DNM1L: variants seen among roughly 807,000 people sequenced by gnomAD.
DNM1L encodes dynamin 1L.
DNM1L carries 33 observed loss-of-function variants against 92.8 expected under a neutral mutation model. The ratio of observed to expected loss-of-function variants is 0.36; its 90% confidence interval spans 0.27 to 0.48. The LOEUF is 0.48. Among genes scored for constraint, DNM1L ranks in the 20% least tolerant of loss-of-function variants. The probability of loss-of-function intolerance (pLI) is 0.99; values close to 1 mark genes in which losing one functional copy is unlikely to be tolerated. For missense variants in DNM1L, 485 were observed against 888.8 expected, an observed-to-expected ratio of 0.55 and a Z score of 5.78; for synonymous variants, 284 against 305.0, an observed-to-expected ratio of 0.93 and a Z score of 0.72.
chr12:32,714,916 C>T (rs1185265601), intron 6 of DNM1L, among the ~76,000 whole-genome samples: 1 of 151,796 alleles, frequency 6.6e-6, no homozygotes, highest in African/African-American at 2.4e-5. Flanking sequence ...GGGAGGATGG[C>T]TTGAGCCCGG....
chr12:32,723,135 A>C (rs1319140473), intron 9 of DNM1L, among the ~76,000 whole-genome samples: 4 of 150,074 alleles, frequency 2.7e-5, no homozygotes, highest in African/African-American at 9.8e-5. Flanking sequence ...TTGAAATTCC[A>C]TCCTTTTTTT....
intron 9 of DNM1L, among the ~76,000 whole-genome samples, chr12:32,729,498 G>A (rs1404958175): frequency 4.6e-5 from 7 of 152,062 alleles, no homozygotes; most frequent in African/African-American, 1.7e-4. Flanking sequence ...CTTTATTGCC[G>A]AGGCTGGAAT....
At chr12:32,724,072 C>T (rs1205459740) in intron 9 of DNM1L, among the ~76,000 whole-genome samples, 6 of 152,142 alleles carry the variant, frequency 3.9e-5, no homozygotes, top group African/African-American at 1.4e-4. Context: ...AAAGTTGCCT[C>T]AAAATTAACA....
intron 4 of DNM1L, among the ~76,000 whole-genome samples, chr12:32,710,054 TA>T (rs1953066529): frequency 6.6e-6 from 1 of 152,180 alleles, no homozygotes. Flanking sequence ...AGACAGGGTA[TA>T]AACATCTCAT....
chr12:32,680,695 C>T (rs963579237), intron 1 of DNM1L, among the ~76,000 whole-genome samples: 1 of 152,048 alleles, frequency 6.6e-6, no homozygotes, highest in Non-Finnish European at 1.5e-5. Flanking sequence ...AAACAAATTA[C>T]GAGGATTATT....
chr12:32,731,082 CA>C lies in DNM1L; in HGVS notation c.1149del (p.Gly385ValfsTer9). The C allele has an allele frequency of 6.2e-7, 1 of 1,613,878 alleles. No homozygotes were observed. The highest frequency in any genetic ancestry group is 8.5e-7 in the Non-Finnish European group (1 of 1,179,970). On this transcript the variant is annotated frameshift_variant, in exon 10 of 20. Transcript: ENST00000549701. LOFTEE classifies it high-confidence loss of function. The surrounding 1 kb of genome is among the most constrained non-coding windows in gnomAD (Gnocchi z 5.1). Reference sequence around the variant, plus strand: ...GGGCGAACCTTAGAATCTGTTGATCCACTTGGTGGCCTTAACACTATTGACA... The same window carrying C: ...GGGCGAACCTTAGAATCTGTTGATCCCTTGGTGGCCTTAACACTATTGACA... ...TFGRTLESVD[P>X]LGGLNTIDIL...
chr12:32,720,605 C>T (rs1953758493), intron 7 of DNM1L, 59 bp from the exon 8 acceptor site: 25 of 1,611,138 alleles, frequency 1.6e-5, no homozygotes, highest in Middle Eastern at 1.7e-4. Flanking sequence ...CTGTCATCAT[C>T]TAAGGTAGGA....
chr12:32,742,797 T>TAG lies in DNM1L; in HGVS notation c.2154+51_2154+52dup, dbSNP rs1955398040. ...TATACTTGGGTAGTAGATAGAAACA[T>TAG]AGAAATAGTTTTAAATGCAGTTTGA... On this transcript the variant is annotated intron_variant, in intron 19 of 19. Transcript: ENST00000549701. 3 of 1,601,592 alleles carry TAG rather than the reference T, an allele frequency of 1.9e-6. No homozygotes were observed. In the East Asian group the frequency reaches 6.7e-5, roughly 36 times the overall value.
intron 4 of DNM1L, chr12:32,709,506 G>A (rs963406938): frequency 1.3e-5 from 2 of 152,094 alleles, no homozygotes; most frequent in African/African-American, 4.8e-5. Flanking sequence ...TTTATGTTGA[G>A]GATATAATTT....
At chr12:32,742,542 A>G in intron 18 of DNM1L, 47 bp from the exon 19 acceptor site, 1 of 1,612,786 alleles carries the variant, frequency 6.2e-7, no homozygotes, top group South Asian at 1.1e-5. Context: ...CAAATTGTTA[A>G]AAGTAGAATT....
chr12:32,742,323 C>G lies in DNM1L; in HGVS notation c.1995-266C>G, dbSNP rs372330253. Among the ~76,000 whole-genome samples, 13 of 152,302 alleles carry G rather than the reference C, an allele frequency of 8.5e-5. No homozygotes were observed. The South Asian group carries it at 2.7e-3, about 32-fold the overall frequency. On this transcript the variant is annotated intron_variant, in intron 18 of 19. Coordinates refer to ENST00000549701, the MANE Select transcript of DNM1L (RefSeq NM_012062.5). ...TTCACCATGTTGGCCAGGCTGCTGTCAAACTCCTGGCCTCAAGCAGTCCAC... is the reference window on the plus strand; with the variant it reads ...TTCACCATGTTGGCCAGGCTGCTGTGAAACTCCTGGCCTCAAGCAGTCCAC...
At chr12:32,687,188 C>CT (rs1952050525) in intron 1 of DNM1L, among the ~76,000 whole-genome samples, 1 of 151,552 alleles carries the variant, frequency 6.6e-6, no homozygotes, top group Admixed American at 6.6e-5. Flanking sequence ...GGTGTCATAT[C>CT]TAAGGCATTG....
intron 1 of DNM1L, among the ~76,000 whole-genome samples, chr12:32,696,254 G>T (rs1343545504): frequency 1.3e-5 from 2 of 151,962 alleles, no homozygotes; most frequent in African/African-American, 4.8e-5. Context: ...GGAAAATCAG[G>T]GCCAGGTGTG....
intron 3 of DNM1L, 46 bp downstream of exon 3, chr12:32,707,459 T>TACA (rs1952971668): frequency 1.5e-6 from 2 of 1,374,682 alleles, no homozygotes; most frequent in African/African-American, 2.9e-5. Flanking sequence ...GAAAAAAATA[T>TACA]ATTGTATGAA....
At chr12:32,730,438 C>T (rs975297237) in intron 9 of DNM1L, among the ~76,000 whole-genome samples, 3 of 152,242 alleles carry the variant, frequency 2.0e-5, no homozygotes, top group African/African-American at 7.2e-5. Flanking sequence ...ACGGGTGGCT[C>T]ACGCCTGTGA....
chr12:32,732,534 A>C, intron 12 of DNM1L: 1 of 455,932 alleles, frequency 2.2e-6, no homozygotes, highest in South Asian at 1.5e-5. Context: ...CTGATCACTA[A>C]AAGTGCATTT....
chr12:32,718,555 G>A lies in DNM1L; in HGVS notation c.620-88G>A, dbSNP rs114070882. The A allele has an allele frequency of 2.1e-3, 3,190 of 1,550,046 alleles. 67 individuals are homozygous for A. The African/African-American group carries it at 0.035, about 17-fold the overall frequency. On this transcript the variant is annotated intron_variant, in intron 6 of 19. Transcript: ENST00000549701. ...TAATACTAAGTGGGATTGTAGATGAGGGTTTTCCTTTATTAACACTAAATA... is the reference window on the plus strand; with the variant it reads ...TAATACTAAGTGGGATTGTAGATGAAGGTTTTCCTTTATTAACACTAAATA...
rs1428378215 is a variant in DNM1L at position 32,679,672 on chromosome 12, C to G, written c.102+207C>G. ...CAGCGTTGCATCAAGGCGGAGAATCCGGGGCCCGGCCAGGGGCGGAGCCGG... is the reference window on the plus strand; with the variant it reads ...CAGCGTTGCATCAAGGCGGAGAATCGGGGGCCCGGCCAGGGGCGGAGCCGG... On this transcript the variant is annotated intron_variant, in intron 1 of 19. Transcript: ENST00000549701. 1.1e-5 allele frequency: 14 copies of G among 1,265,824 alleles called. No individual in the cohort carries two copies. The South Asian group carries it at 3.0e-4, about 27-fold the overall frequency. 78.4% of individuals were successfully genotyped at this position (1,265,824 alleles called of 1,614,324 possible).
intron 1 of DNM1L, among the ~76,000 whole-genome samples, chr12:32,682,825 T>G (rs1452443665): frequency 1.3e-5 from 2 of 152,220 alleles, no homozygotes; most frequent in East Asian, 3.9e-4. Context: ...CTATCAGTCA[T>G]TCACATGTTT....
Sources: gnomAD v4.1 joint callset for allele counts (sites outside exome capture counted in the v4.1 genomes callset) on GRCh38, gnomAD v4.1.1 for gene constraint, Gnocchi (gnomAD v3.1) non-coding constraint, MANE v1.5 for transcripts, NCBI Gene and HGNC (gene_info 2026-07-23, HGNC 2026-07-21) for gene names.